The following BPTF variants were observed in gnomAD, a reference collection of about 807,000 sequenced individuals.
BPTF encodes bromodomain PHD finger transcription factor, also known as nucleosome-remodeling factor subunit BPTF.
In BPTF, 18 loss-of-function variants were observed where a neutral mutation model predicts 292.5. The observed-to-expected ratio is 0.06, with a 90% CI of 0.04 to 0.09. The LOEUF (loss-of-function observed/expected upper bound fraction) is 0.09, where lower values mean the gene tolerates loss of function less well. BPTF is among the 10% of genes least tolerant of loss of function. The pLI is 1.00. For missense variants in BPTF, 2,726 were observed against 3,498.7 expected, an observed-to-expected ratio of 0.78 and a Z score of 5.57; for synonymous variants, 1,225 against 1,251.9, an observed-to-expected ratio of 0.98 and a Z score of 0.45.
chr17:67,837,634 TGCTGACCTCAGGCAATCTGCCCACCTTG>T (rs1464552985), intron 1 of BPTF, among the ~76,000 whole-genome samples: 3 of 152,216 alleles, frequency 2.0e-5, no homozygotes, highest in Admixed American at 6.5e-5. Flanking sequence ...CATCTGGAAT[TGCTGACCTCAGGCAATCTGCCCACCTTG>T]GCCTCTCAAA....
chr17:67,906,996 G>A lies in BPTF; in HGVS notation c.2812+2156G>A, dbSNP rs548380401. On this transcript the variant is annotated intron_variant, in intron 9 of 27. Transcript: ENST00000306378. ...CCCAGGAGTTCAAGAAACAGCCTGGGCAACATGGCAAATCCCCATCTCTAC... is the reference window on the plus strand; with the variant it reads ...CCCAGGAGTTCAAGAAACAGCCTGGACAACATGGCAAATCCCCATCTCTAC... Among the ~76,000 whole-genome samples the A allele has an allele frequency of 3.7e-4, 57 of 152,020 alleles. No homozygotes were observed. In the South Asian group the frequency reaches 8.9e-3, roughly 24 times the overall value.
intron 19 of BPTF, among the ~76,000 whole-genome samples, chr17:67,943,177 C>T (rs2065522653): frequency 6.6e-6 from 1 of 152,098 alleles, no homozygotes; most frequent in Non-Finnish European, 1.5e-5. Flanking sequence ...CAATGGTGAC[C>T]ACAGTGGCGG....
chr17:67,944,129 C>T, intron 19 of BPTF, 21 bp from the exon 20 acceptor site: 1 of 1,570,408 alleles, frequency 6.4e-7, no homozygotes, highest in Non-Finnish European at 8.8e-7. Flanking sequence ...ACACTGTTTA[C>T]ATGTTGTGTT....
chr17:67,941,731 G>T (rs2065382229), intron 19 of BPTF, among the ~76,000 whole-genome samples: 2 of 152,168 alleles, frequency 1.3e-5, no homozygotes, highest in South Asian at 4.1e-4. Flanking sequence ...GAGGATGAAA[G>T]TCCTAACTGT....
chr17:67,898,511 T>G (rs966727226), intron 7 of BPTF, among the ~76,000 whole-genome samples: 24 of 152,164 alleles, frequency 1.6e-4, no homozygotes, highest in Admixed American at 1.6e-3. Flanking sequence ...GGTCTCCCTA[T>G]GTTACTCAGA....
At position 67,894,053 on chromosome 17, in the gene BPTF, G is replaced by A; in HGVS notation, c.2431G>A (p.Val811Ile). 6.2e-7 allele frequency: 1 copy of A among 1,613,956 alleles called. No individual in the cohort carries two copies. The highest frequency in any genetic ancestry group is 8.5e-7 in the Non-Finnish European group (1 of 1,179,858). ...ASHRANWIKA[V>I]QMCSKPREFA... ...ATACAGGGCAAATTGGATCAAGGCAGTTCAGATGTGTAGCAAACCCAGAGA... is the reference window on the plus strand; with the variant it reads ...ATACAGGGCAAATTGGATCAAGGCAATTCAGATGTGTAGCAAACCCAGAGA... Residue 811 changes from valine to isoleucine, a missense_variant, in exon 7 of 28, where the codon GTT becomes ATT. Coordinates refer to ENST00000306378, the MANE Select transcript of BPTF (RefSeq NM_182641.4).
rs535911894 is a variant in BPTF at position 67,954,320 on chromosome 17, A to T, written c.7927-5221A>T. The stretch of plus-strand genomic sequence containing the variant: ...AGTGCTGGGATTACAGGCATGAGCC[A>T]CCGTACTCGGCCCTGGTTGTCTTTT... On this transcript the variant is annotated intron_variant, in intron 23 of 27. Transcript: ENST00000306378. Among the ~76,000 whole-genome samples the T allele has an allele frequency of 4.6e-5, 7 of 152,150 alleles. No homozygotes were observed. The East Asian group carries it at 1.4e-3, about 29-fold the overall frequency.
intron 1 of BPTF, among the ~76,000 whole-genome samples, chr17:67,838,622 G>A (rs1039350309): frequency 2.0e-5 from 3 of 152,152 alleles, no homozygotes; most frequent in African/African-American, 4.8e-5. Flanking sequence ...GACTACAGGT[G>A]CTCGCTGCCA....
intron 2 of BPTF, among the ~76,000 whole-genome samples, chr17:67,857,766 C>A (rs2058794330): frequency 6.8e-6 from 1 of 146,980 alleles, no homozygotes; most frequent in South Asian, 2.2e-4. Context: ...TGCGTCTAGA[C>A]TAACAATATT....
intron 1 of BPTF, among the ~76,000 whole-genome samples, chr17:67,850,532 C>A (rs2058328873): frequency 6.6e-6 from 1 of 152,110 alleles, no homozygotes; most frequent in African/African-American, 2.4e-5. Context: ...CCATGCCCAG[C>A]TAATTTTTGT....
intron 1 of BPTF, among the ~76,000 whole-genome samples, chr17:67,832,390 TTA>T (rs2055614145): frequency 6.6e-6 from 1 of 152,214 alleles, no homozygotes; most frequent in South Asian, 2.1e-4. Context: ...TCTAAAATTT[TTA>T]TGTTTTTCTA....
chr17:67,923,056 CT>C (rs1204420514), intron 14 of BPTF, 66 bp downstream of exon 14: 236,014 of 1,156,798 alleles, frequency 0.2, no homozygotes, highest in South Asian at 0.23. Flanking sequence ...CAATAAATTA[CT>C]TTTTTTTTTT....
At chr17:67,921,025 A>G (rs2063395891) in intron 13 of BPTF, among the ~76,000 whole-genome samples, 1 of 151,506 alleles carries the variant, frequency 6.6e-6, no homozygotes, top group South Asian at 2.1e-4. Flanking sequence ...TAGACAATGT[A>G]GTGAAACCCT....
At chr17:67,849,723 A>AG (rs1453397661) in intron 1 of BPTF, among the ~76,000 whole-genome samples, 3 of 152,042 alleles carry the variant, frequency 2.0e-5, no homozygotes, top group Non-Finnish European at 4.4e-5. Context: ...GGATCACTTG[A>AG]GGTGAGGGGT....
In BPTF at chr17:67,946,029, CAA is replaced by C; in HGVS notation, c.7322_7323del (p.Gln2441ArgfsTer81). ...CATTGCTGTGCCTCAGCTGCAACAA[CAA>C]GTCCAGGTTCTCTCTCAGATCCAGT... ...QVIAVPQLQQ[Q>X]VQVLSQIQSQ... is the part of the protein sequence containing the mutation. On this transcript the variant is annotated frameshift_variant, in exon 21 of 28. Transcript: ENST00000306378. LOFTEE classifies it high-confidence loss of function. 3 of 1,614,200 alleles carry C rather than the reference CAA, an allele frequency of 1.9e-6. No homozygotes were observed. The highest frequency in any genetic ancestry group is 2.5e-6 in the Non-Finnish European group (3 of 1,180,034).
At chr17:67,902,085 A>T (rs2061882501) in intron 7 of BPTF, among the ~76,000 whole-genome samples, 1 of 152,232 alleles carries the variant, frequency 6.6e-6, no homozygotes, top group African/African-American at 2.4e-5. Context: ...TGGGATAGGT[A>T]GCATCAGAGA....
chr17:67,840,737 A>G (rs1567873807), intron 1 of BPTF, among the ~76,000 whole-genome samples: 4 of 149,634 alleles, frequency 2.7e-5, no homozygotes, highest in Admixed American at 6.6e-5. Flanking sequence ...TAATTTTTGT[A>G]TTTTTAGTAG....
chr17:67,945,779 C>T lies in BPTF; in HGVS notation c.7071C>T (p.Ser2357=). Reference sequence around the variant, plus strand: ...CTCGAATACGTCCATCAACTCCATCCCAACTGTCTCCTGGACAACAATCCC... The same window carrying T: ...CTCGAATACGTCCATCAACTCCATCTCAACTGTCTCCTGGACAACAATCCC... ...SQTRIRPSTP[S]QLSPGQQSQV... is the part of the protein sequence containing the mutation. The change falls in exon 21 of 28, where the codon TCC becomes TCT. Residue 2357 remains serine, a synonymous_variant. Coordinates refer to ENST00000306378, the MANE Select transcript of BPTF (RefSeq NM_182641.4). 1 of 1,614,204 alleles carries T rather than the reference C, an allele frequency of 6.2e-7. No individual in the cohort carries two copies. The highest frequency in any genetic ancestry group is 8.5e-7 in the Non-Finnish European group (1 of 1,180,038).
Position 67,948,100 on chromosome 17 carries a change from G to T in BPTF, c.7720G>T (p.Val2574Leu), listed in dbSNP as rs781835693. 6.2e-6 allele frequency: 10 copies of T among 1,613,928 alleles called. No homozygotes were observed. The highest frequency in any genetic ancestry group is 1.7e-5 in the Admixed American group (1 of 60,016). Reference sequence around the variant, plus strand: ...CTCTAGAATGATTGTCTGTAACCAGGTGATGAAGTATATTTTGGATAAGAT... The same window carrying T: ...CTCTAGAATGATTGTCTGTAACCAGTTGATGAAGTATATTTTGGATAAGAT... Reference protein sequence around the residue: ...ENQRMIVCNQVMKYILDKIDK... With the variant: ...ENQRMIVCNQLMKYILDKIDK... The change falls in exon 23 of 28, where the codon GTG becomes TTG. Residue 2574 changes from valine (V) to leucine (L), a missense_variant. Around this residue, in one of 22 missense-constraint regions of BPTF, gnomAD observed 26 missense variants for 60.6 expected, o/e 0.43. Coordinates refer to ENST00000306378, the MANE Select transcript of BPTF (RefSeq NM_182641.4).
Sources: gnomAD v4.1 joint callset for allele counts (sites outside exome capture counted in the v4.1 genomes callset) on GRCh38, gnomAD v4.1.1 for gene constraint, gnomAD v4.1.1 regional missense constraint, MANE v1.5 for transcripts, NCBI Gene and HGNC (gene_info 2026-07-23, HGNC 2026-07-21) for gene names.